Variants in SLC52A2 observed in about 807,000 individuals in gnomAD.
SLC52A2 encodes solute carrier family 52 member 2, also known as solute carrier family 52, riboflavin transporter, member 2.
A neutral mutation model predicts 24.8 loss-of-function variants in SLC52A2; 16 were observed. The observed-to-expected ratio is 0.64, with a 90% CI of 0.44 to 0.98. SLC52A2 has a LOEUF of 0.98. Ranked by LOEUF, SLC52A2 falls within the 50% of genes least tolerant of loss-of-function variation. The probability of loss-of-function intolerance (pLI) is 0.00; values close to 1 mark genes in which losing one functional copy is unlikely to be tolerated. For synonymous variants in SLC52A2, 335 were observed against 276.3 expected, an observed-to-expected ratio of 1.21 and a Z score of -2.11; for missense variants, 612 against 575.9, an observed-to-expected ratio of 1.06 and a Z score of -0.64.
At position 144,360,665 on chromosome 8, in the gene SLC52A2, G is replaced by A; in HGVS notation, c.1077G>A (p.Leu359=). 1.9e-6 allele frequency: 3 copies of A among 1,604,988 alleles called. No homozygotes were observed. The South Asian group carries it at 3.3e-5, about 18-fold the overall frequency. ...CGGYLMALAV[L]SPCPPLVGTS... Reference sequence around the variant, plus strand: ...GCTACCTGATGGCGCTGGCAGTCCTGAGCCCCTGCCCGCCCCTGGTGGGCA... The same window carrying A: ...GCTACCTGATGGCGCTGGCAGTCCTAAGCCCCTGCCCGCCCCTGGTGGGCA... Residue 359 remains leucine, a synonymous_variant, in exon 4 of 5, where the codon CTG becomes CTA. Transcript: ENST00000643944.
Sources: allele counts gnomAD v4.1 joint callset, GRCh38; gene constraint gnomAD v4.1.1; transcripts MANE v1.5; gene names NCBI Gene and HGNC (gene_info 2026-07-23, HGNC 2026-07-21).